CNTLN: variants seen among roughly 807,000 people sequenced by gnomAD.
CNTLN encodes centlein, centrosomal protein.
In CNTLN, 212 loss-of-function variants were observed where a neutral mutation model predicts 180.0. That is an observed-to-expected ratio of 1.18 (90% CI 1.05 to 1.32). CNTLN has a LOEUF of 1.32. Ranked by LOEUF, CNTLN falls within the 40% of genes most tolerant of loss-of-function variation. The pLI is 0.00. For missense variants in CNTLN, 2,095 were observed against 1,610.9 expected (o/e 1.30, Z -5.14); for synonymous variants, 722 against 563.1 (o/e 1.28, Z -3.99).
intron 2 of CNTLN, among the ~76,000 whole-genome samples, chr9:17,149,780 G>T (rs139137041): frequency 0.017 from 2,620 of 152,176 alleles, 54 homozygotes; most frequent in African/African-American, 0.059. Context: ...GCCTCCCAAA[G>T]CGCTGGGATT....
At chr9:17,303,906 C>G (rs1280936518) in intron 7 of CNTLN, among the ~76,000 whole-genome samples, 1 of 152,084 alleles carries the variant, frequency 6.6e-6, no homozygotes, top group Admixed American at 6.6e-5. Flanking sequence ...AATTTGTCTT[C>G]AATTCTTATT....
At chr9:17,303,531 C>T (rs1818510063) in intron 7 of CNTLN, among the ~76,000 whole-genome samples, 1 of 149,472 alleles carries the variant, frequency 6.7e-6, no homozygotes, top group Admixed American at 6.7e-5. Context: ...TTTTGAGCTT[C>T]TGAAGATTTT....
In CNTLN at chr9:17,365,887, A is replaced by G. The variant is rs574195418; in HGVS notation, c.1887-730A>G. On this transcript the variant is annotated intron_variant, in intron 12 of 25. Coordinates refer to ENST00000380647, the MANE Select transcript of CNTLN (RefSeq NM_017738.4). ...CCTGAGCCTGGGAGGTAGGGGCTGC[A>G]GTAAGCCACGATTGTGCCACTGCAC... Among the ~76,000 whole-genome samples, 140 of 152,310 alleles carry G rather than the reference A, an allele frequency of 9.2e-4. 2 individuals carry two copies. In the South Asian group the frequency reaches 0.017, roughly 19 times the overall value.
chr9:17,377,975 G>A (rs1824916119), intron 13 of CNTLN, among the ~76,000 whole-genome samples: 1 of 152,030 alleles, frequency 6.6e-6, no homozygotes, highest in Non-Finnish European at 1.5e-5. Context: ...TTTGTTCCAA[G>A]GATTTCTCTT....
chr9:17,511,736 G>T, the CNTLN span, among the ~76,000 whole-genome samples: 6 of 152,062 alleles, frequency 3.9e-5, no homozygotes, highest in East Asian at 1.2e-3. Flanking sequence ...ATAACAAGTG[G>T]TGGGAATTAT....
At chr9:17,487,560 T>C (rs1832954159) in intron 25 of CNTLN, among the ~76,000 whole-genome samples, 1 of 152,118 alleles carries the variant, frequency 6.6e-6, no homozygotes, top group African/African-American at 2.4e-5. Flanking sequence ...TCGAGCAGCT[T>C]GTTAGTGGGA....
chr9:17,486,703 C>G (rs1326931653), intron 24 of CNTLN, among the ~76,000 whole-genome samples: 1 of 152,036 alleles, frequency 6.6e-6, no homozygotes, highest in Non-Finnish European at 1.5e-5. Flanking sequence ...ACTTTAATTG[C>G]TTTCACCCCC....
intron 10 of CNTLN, among the ~76,000 whole-genome samples, chr9:17,334,773 G>A (rs1820888512): frequency 6.6e-6 from 1 of 152,260 alleles, no homozygotes; most frequent in South Asian, 2.1e-4. Context: ...GCAAAAGGAA[G>A]GGAGCAAGGG....
chr9:17,145,478 A>G (rs1446147176), intron 2 of CNTLN, among the ~76,000 whole-genome samples: 1 of 152,216 alleles, frequency 6.6e-6, no homozygotes, highest in Non-Finnish European at 1.5e-5. Context: ...ATCTTTCTGT[A>G]TAGTCCATTA....
chr9:17,313,764 T>C (rs1413013681), intron 8 of CNTLN, among the ~76,000 whole-genome samples: 2 of 152,236 alleles, frequency 1.3e-5, no homozygotes, highest in African/African-American at 4.8e-5. Flanking sequence ...TGTTAGATTT[T>C]TCAGTGTTGG....
chr9:17,272,662 A>T (rs893611098), intron 5 of CNTLN, among the ~76,000 whole-genome samples: 1 of 152,056 alleles, frequency 6.6e-6, no homozygotes, highest in Admixed American at 6.5e-5. Flanking sequence ...TGTGTTAAAA[A>T]ATTTCTTCTG....
chr9:17,368,815 A>G (rs1824059291), intron 13 of CNTLN, among the ~76,000 whole-genome samples: 1 of 152,232 alleles, frequency 6.6e-6, no homozygotes, highest in South Asian at 2.1e-4. Flanking sequence ...TAATGCAGAT[A>G]TGGACTAGAT....
At chr9:17,366,793 C>A in intron 13 of CNTLN, 76 bp downstream of exon 13, 1 of 828,690 alleles carries the variant, frequency 1.2e-6, no homozygotes, top group Non-Finnish European at 2.0e-6. Context: ...GTTTCAATTT[C>A]TTTTAAGAAT....
chr9:17,458,957 G>C (rs1831296052), intron 19 of CNTLN, among the ~76,000 whole-genome samples: 1 of 151,700 alleles, frequency 6.6e-6, no homozygotes, highest in African/African-American at 2.4e-5. Context: ...GTTTCATATA[G>C]AGAAGATAAA....
chr9:17,331,223 ACTGT>A (rs1339606867), intron 9 of CNTLN, among the ~76,000 whole-genome samples: 1 of 151,874 alleles, frequency 6.6e-6, no homozygotes, highest in East Asian at 1.9e-4. Flanking sequence ...TGTTTAAAAT[ACTGT>A]CTGTGTGGAA....
At position 17,309,104 on chromosome 9, in the gene CNTLN, A is replaced by T; in HGVS notation, c.1193A>T (p.Glu398Val). 1 of 1,602,362 alleles carries T rather than the reference A, an allele frequency of 6.2e-7. No homozygotes were observed. The highest frequency in any genetic ancestry group is 8.5e-7 in the Non-Finnish European group (1 of 1,176,450). ...TGTTTTGAAACCACAAAATCAAATG[A>T]AGCTATGCTCCGGCAAAGTGTTACT... ...HICFETTKSN[E>V]AMLRQSVTNL... The change falls in exon 8 of 26, where the codon GAA (glutamate) becomes GTA (valine). Residue 398 changes from glutamate (E) to valine (V), a missense_variant. Coordinates refer to ENST00000380647, the MANE Select transcript of CNTLN (RefSeq NM_017738.4).
chr9:17,164,184 T>C (rs13285500), intron 2 of CNTLN, among the ~76,000 whole-genome samples: 3 of 151,454 alleles, frequency 2.0e-5, no homozygotes, highest in Admixed American at 6.6e-5. Flanking sequence ...TGGTGTCGCG[T>C]GCCTGTAATC....
chr9:17,298,362 T>C lies in CNTLN; in HGVS notation c.1146+10T>C, dbSNP rs775865737. On this transcript the variant is annotated intron_variant, in intron 7 of 25. Transcript: ENST00000380647. The stretch of plus-strand genomic sequence containing the variant: ...TATATCATATCAAAAAGTATGCTTT[T>C]ATTCTGTAATAAAGATGTAAATGTT... 6 of 1,603,306 alleles carry C rather than the reference T, an allele frequency of 3.7e-6. No homozygotes were observed. The highest frequency in any genetic ancestry group is 5.1e-6 in the Non-Finnish European group (6 of 1,175,776).
At chr9:17,172,125 TA>T (rs1185275620) in intron 2 of CNTLN, among the ~76,000 whole-genome samples, 1 of 151,972 alleles carries the variant, frequency 6.6e-6, no homozygotes. Flanking sequence ...CAGCTTCTTC[TA>T]GGGGGTGGTT....
Sources: allele counts gnomAD v4.1 joint callset (sites outside exome capture counted in the v4.1 genomes callset), GRCh38; gene constraint gnomAD v4.1.1; transcripts MANE v1.5; gene names NCBI Gene and HGNC (gene_info 2026-07-23, HGNC 2026-07-21).